Variants in TTLL9 observed in about 807,000 individuals in gnomAD.
TTLL9 encodes probable tubulin polyglutamylase TTLL9.
Under a neutral mutation model 65.6 loss-of-function variants are expected in TTLL9, and 47 were observed. The observed-to-expected ratio is 0.72, with a 90% CI of 0.57 to 0.91. The LOEUF is 0.91. Ranked by LOEUF, TTLL9 falls within the 40% of genes least tolerant of loss-of-function variation. The pLI, the probability that TTLL9 is intolerant of heterozygous loss-of-function variation, is 0.00. For missense variants in TTLL9, 537 were observed against 568.8 expected (o/e 0.94, Z 0.57); for synonymous variants, 179 against 204.8 (o/e 0.87, Z 1.07).
rs1322527000 is a variant in TTLL9 at position 31,908,596 on chromosome 20, G to A, written c.212G>A (p.Gly71Glu). Residue 71 changes from glycine (G) to glutamate (E), a missense_variant, in exon 5 of 15, where the codon GGG becomes GAG. Physicochemically the swap from Gly to Glu is moderately conservative, Grantham distance 98. Around this residue, in one of 3 missense-constraint regions of TTLL9, gnomAD observed 320 missense variants for 311.0 expected, o/e 1.03. Transcript: ENST00000535842. Reference protein sequence around the residue: ...RPGWVEVKDEGEWDFYWCDVS... With the variant: ...RPGWVEVKDEEEWDFYWCDVS... ...CGCCCCCACCCCACCCCCAGCGAAG[G>A]GGAGTGGGATTTCTACTGGTGTGAC... 1 of 1,613,650 alleles carries A rather than the reference G, an allele frequency of 6.2e-7. No homozygotes were observed. The highest frequency in any genetic ancestry group is 1.7e-5 in the Admixed American group (1 of 60,018).
intron 5 of TTLL9, 93 bp downstream of exon 5, chr20:31,908,795 A>G: frequency 1.9e-6 from 2 of 1,046,400 alleles, no homozygotes; most frequent in Non-Finnish European, 2.9e-6. Flanking sequence ...AGAAAAGTGT[A>G]TTAGAATGTG....
chr20:31,881,896 G>A (rs1279087638), intron 2 of TTLL9, among the ~76,000 whole-genome samples: 1 of 152,150 alleles, frequency 6.6e-6, no homozygotes, highest in African/African-American at 2.4e-5. Context: ...TATAGACATG[G>A]GTGTAGCAGA....
chr20:31,918,982 A>G (rs1455357375), intron 6 of TTLL9, among the ~76,000 whole-genome samples: 1 of 151,928 alleles, frequency 6.6e-6, no homozygotes, highest in Non-Finnish European at 1.5e-5. Context: ...TATCTTGTAC[A>G]GAGAGCCTCG....
intron 2 of TTLL9, among the ~76,000 whole-genome samples, chr20:31,885,198 C>T (rs2063172320): frequency 6.6e-6 from 1 of 151,832 alleles, no homozygotes; most frequent in African/African-American, 2.4e-5. Flanking sequence ...AATTGGCAAG[C>T]CAATTCTGAA....
intron 7 of TTLL9, among the ~76,000 whole-genome samples, chr20:31,920,300 C>G (rs1262941380): frequency 6.6e-6 from 1 of 152,072 alleles, no homozygotes; most frequent in Non-Finnish European, 1.5e-5. Flanking sequence ...ACTCAGCGCT[C>G]GATGCACGTT....
intron 4 of TTLL9, among the ~76,000 whole-genome samples, chr20:31,900,087 G>C (rs1442451611): frequency 6.6e-6 from 1 of 152,078 alleles, no homozygotes; most frequent in East Asian, 1.9e-4. Flanking sequence ...TTTTTATTCA[G>C]GGAAATACAG....
intron 13 of TTLL9, chr20:31,938,293 GTGGGGTCAAC>G: frequency 2.2e-6 from 1 of 446,252 alleles, no homozygotes; most frequent in Non-Finnish European, 4.5e-6. Context: ...CTCCTAGGGA[GTGGGGTCAAC>G]CCCATGTGAG....
Position 31,942,927 on chromosome 20 carries a change from A to C in TTLL9, c.1244-18A>C. The C allele has an allele frequency of 6.2e-7, 1 of 1,613,824 alleles. No homozygotes were observed. The highest frequency in any genetic ancestry group is 8.5e-7 in the Non-Finnish European group (1 of 1,179,862). On this transcript the variant is annotated intron_variant, in intron 14 of 14. Transcript: ENST00000535842. ...CCAAGCATAGGTCATCCCAGCCAAC[A>C]CCCCACTTCCTTTCCAGGCTGCGTC...
intron 2 of TTLL9, among the ~76,000 whole-genome samples, chr20:31,872,196 C>A (rs1289502588): frequency 2.0e-5 from 3 of 152,078 alleles, no homozygotes; most frequent in African/African-American, 4.8e-5. Flanking sequence ...ACAGGGAGAA[C>A]CTCTCTGAAT....
At chr20:31,882,966 G>A (rs1037280704) in intron 2 of TTLL9, among the ~76,000 whole-genome samples, 3 of 152,106 alleles carry the variant, frequency 2.0e-5, no homozygotes, top group Non-Finnish European at 4.4e-5. Context: ...TTCTTCATTC[G>A]TCATTTCCCT....
chr20:31,890,195 T>TTCTTTCTTTCTC (rs1223777990), intron 3 of TTLL9, among the ~76,000 whole-genome samples: 4 of 142,816 alleles, frequency 2.8e-5, no homozygotes, highest in Non-Finnish European at 6.0e-5. Context: ...CTTTCTTTCT[T>TTCTTTCTTTCTC]TCTTTCTCTT....
chr20:31,885,826 T>C (rs1292368615), intron 2 of TTLL9, among the ~76,000 whole-genome samples: 3 of 152,236 alleles, frequency 2.0e-5, no homozygotes, highest in Admixed American at 6.5e-5. Context: ...CTTCCATTAC[T>C]TAAGACTCCA....
chr20:31,937,500 T>A lies in TTLL9; in HGVS notation c.1109T>A (p.Met370Lys), dbSNP rs2064132900. ...GAAGACACCCTGCATGTTGTGGACA[T>A]GGAAGCGAGGTGAGGGAGGGCAGCC... Reference protein sequence around the residue: ...LLEDTLHVVDMEARLTGREKR... With the variant: ...LLEDTLHVVDKEARLTGREKR... Residue 370 changes from methionine to lysine, a missense_variant, in exon 13 of 15, where the codon ATG (methionine) becomes AAG (lysine). By Grantham distance (95) the Met-to-Lys change is moderately conservative. This residue lies in a region of TTLL9 where 205 missense variants were observed against 225.9 expected (regional missense o/e 0.91). Transcript: ENST00000535842. 6.2e-7 allele frequency: 1 copy of A among 1,613,226 alleles called. No homozygotes were observed. Among genetic ancestry groups the A allele is most frequent in the Non-Finnish European group, 8.5e-7 (1 of 1,179,546 alleles).
intron 2 of TTLL9, among the ~76,000 whole-genome samples, chr20:31,880,258 C>CCCGTCCAT (rs930980474): frequency 3.3e-5 from 5 of 152,054 alleles, no homozygotes; most frequent in East Asian, 1.9e-4. Flanking sequence ...AACCCGCCTG[C>CCCGTCCAT]CCGTCCATCC....
rs201611906 is a variant in TTLL9, at chr20:31,939,181, C to T, written c.1158C>T (p.Leu386=). The change falls in exon 14 of 15, where the codon CTC becomes CTT. Residue 386 remains leucine (L), a synonymous_variant. Coordinates refer to ENST00000535842, the MANE Select transcript of TTLL9 (RefSeq NM_001008409.5). ...GREKRVGGFD[L]MWNDGPVSRE... ...AGAAGCGAGTCGGGGGCTTTGACCT[C>T]ATGTGGAATGATGGCCCTGTTAGCA... 3.8e-5 allele frequency: 61 copies of T among 1,610,356 alleles called. No individual in the cohort carries two copies. The South Asian group carries it at 4.8e-4, about 13-fold the overall frequency.
chr20:31,908,595 G>A lies in TTLL9; in HGVS notation c.211G>A (p.Gly71Arg), dbSNP rs184016363. ...CCGCCCCCACCCCACCCCCAGCGAA[G>A]GGGAGTGGGATTTCTACTGGTGTGA... Reference protein sequence around the residue: ...RPGWVEVKDEGEWDFYWCDVS... With the variant: ...RPGWVEVKDEREWDFYWCDVS... The change falls in exon 5 of 15, where the codon GGG becomes AGG. Residue 71 changes from glycine to arginine, a missense_variant. Physicochemically the swap from Gly to Arg is moderately radical, Grantham distance 125. Coordinates refer to ENST00000535842, the MANE Select transcript of TTLL9 (RefSeq NM_001008409.5). 7.9e-3 allele frequency: 12,697 copies of A among 1,609,298 alleles called. 110 individuals are homozygous for A. The highest frequency in any genetic ancestry group is 0.035 in the Middle Eastern group (211 of 6,050).
At chr20:31,922,366 G>A (rs1043982012) in intron 7 of TTLL9, among the ~76,000 whole-genome samples, 8 of 151,574 alleles carry the variant, frequency 5.3e-5, no homozygotes, top group African/African-American at 1.7e-4. Context: ...TCACATTGTT[G>A]TGCAACCACC....
intron 4 of TTLL9, among the ~76,000 whole-genome samples, chr20:31,898,866 G>GT (rs1222030495): frequency 2.6e-5 from 4 of 152,358 alleles, no homozygotes; most frequent in Middle Eastern, 3.4e-3. Flanking sequence ...GTGTCCTGTG[G>GT]TTTTCAGTAG....
intron 3 of TTLL9, among the ~76,000 whole-genome samples, chr20:31,890,751 C>T (rs1317579972): frequency 6.6e-6 from 1 of 152,194 alleles, no homozygotes; most frequent in Non-Finnish European, 1.5e-5. Flanking sequence ...AGATGAGAGA[C>T]TTAGCGGATT....
Sources: gnomAD v4.1 joint callset for allele counts (sites outside exome capture counted in the v4.1 genomes callset) on GRCh38, gnomAD v4.1.1 for gene constraint, gnomAD v4.1.1 regional missense constraint, MANE v1.5 for transcripts, NCBI Gene and HGNC (gene_info 2026-07-23, HGNC 2026-07-21) for gene names.